The following TBCE variants were observed in gnomAD, a reference collection of about 807,000 sequenced individuals.
TBCE encodes tubulin-specific chaperone E.
In TBCE, 53 loss-of-function variants were observed where a neutral mutation model predicts 77.0. That is an observed-to-expected ratio of 0.69 (90% CI 0.55 to 0.87). TBCE has a LOEUF of 0.87. Ranked by LOEUF, TBCE falls within the 40% of genes least tolerant of loss-of-function variation. The probability of loss-of-function intolerance (pLI) is 0.00; values close to 1 mark genes in which losing one functional copy is unlikely to be tolerated. For missense variants in TBCE, 624 were observed against 622.4 expected, an observed-to-expected ratio of 1.00 and a Z score of -0.03; for synonymous variants, 235 against 241.3, an observed-to-expected ratio of 0.97 and a Z score of 0.24.
chr1:235,427,219 C>A lies in TBCE; in HGVS notation c.540C>A (p.His180Gln), dbSNP rs142804756. 3.1e-6 allele frequency: 5 copies of A among 1,613,200 alleles called. No homozygotes were observed. In the East Asian group the frequency reaches 1.1e-4, roughly 36 times the overall value. ...TACACATTGCTGATCAGCTCAGACA[C>A]CTGGAAGTCCTTAATGTCAGGTATG... Reference protein sequence around the residue: ...EVIHIADQLRHLEVLNVSENK... With the variant: ...EVIHIADQLRQLEVLNVSENK... The change falls in exon 6 of 17, where the codon CAC becomes CAA. Residue 180 changes from histidine to glutamine, a missense_variant. His to Gln is a conservative substitution (Grantham distance 24, BLOSUM62 0). Coordinates refer to ENST00000642610, the MANE Select transcript of TBCE (RefSeq NM_003193.5).
intron 1 of TBCE, among the ~76,000 whole-genome samples, chr1:235,375,420 G>A (rs1005453586): frequency 6.6e-6 from 1 of 152,096 alleles, no homozygotes; most frequent in African/African-American, 2.4e-5. Context: ...GCCCAGTGCA[G>A]GCCATTACAG....
At chr1:235,390,758 C>CAAAA (rs35639285) in intron 2 of TBCE, among the ~76,000 whole-genome samples, 1 of 71,414 alleles carries the variant, frequency 1.4e-5, no homozygotes, top group Non-Finnish European at 3.2e-5. Flanking sequence ...CGAAACGTCT[C>CAAAA]AAAAAAAAAA....
At chr1:235,382,129 A>G (rs1293663121) in intron 2 of TBCE, among the ~76,000 whole-genome samples, 1 of 151,524 alleles carries the variant, frequency 6.6e-6, no homozygotes, top group Non-Finnish European at 1.5e-5. Flanking sequence ...CCATGTCCCT[A>G]TAAAGGACAT....
chr1:235,400,924 G>A (rs1231517908), intron 2 of TBCE, among the ~76,000 whole-genome samples: 1 of 149,176 alleles, frequency 6.7e-6, no homozygotes, highest in African/African-American at 2.5e-5. Context: ...GACCAGTCTC[G>A]AATTCCTGAC....
chr1:235,396,821 T>A (rs993143671), intron 2 of TBCE, among the ~76,000 whole-genome samples: 10 of 152,286 alleles, frequency 6.6e-5, no homozygotes, highest in Non-Finnish European at 1.3e-4. Context: ...CATTTCTTAA[T>A]CGGATTAATA....
At position 235,435,908 on chromosome 1, in the gene TBCE, C is replaced by T. The variant is rs868544072; in HGVS notation, c.833+68C>T. 1.8e-5 allele frequency: 23 copies of T among 1,284,900 alleles called. 1 individual carries two copies. The Middle Eastern group carries it at 4.0e-3, about 225-fold the overall frequency. The allele number at this position is 1,284,900 out of a possible 1,614,324, so 79.6% of individuals were successfully genotyped here. On this transcript the variant is annotated intron_variant, in intron 9 of 16. Coordinates refer to ENST00000642610, the MANE Select transcript of TBCE (RefSeq NM_003193.5). ...TTCTTAGTGAAGCAGTTTTCATATG[C>T]TATGTATGCTTTCTCAATAGAAACG...
At chr1:235,386,185 C>T (rs891179790) in intron 2 of TBCE, among the ~76,000 whole-genome samples, 7 of 152,278 alleles carry the variant, frequency 4.6e-5, no homozygotes, top group South Asian at 4.1e-4. Flanking sequence ...CCAAGAGATC[C>T]GCTGTTAGTC....
At position 235,403,542 on chromosome 1, in the gene TBCE, T is replaced by G. The variant is rs141576610; in HGVS notation, c.185+1955T>G. ...TTTTTATTTGGAACTTACCCCAGCCTACTTCCTTCTTGTAAAAGCTTGCCC... is the reference window on the plus strand; with the variant it reads ...TTTTTATTTGGAACTTACCCCAGCCGACTTCCTTCTTGTAAAAGCTTGCCC... On this transcript the variant is annotated intron_variant, in intron 3 of 16. Coordinates refer to ENST00000642610, the MANE Select transcript of TBCE (RefSeq NM_003193.5). Among the ~76,000 whole-genome samples the G allele has an allele frequency of 2.6e-5, 4 of 152,302 alleles. No individual in the cohort carries two copies. The East Asian group carries it at 7.7e-4, about 29-fold the overall frequency.
intron 5 of TBCE, among the ~76,000 whole-genome samples, chr1:235,424,766 A>G (rs1283884749): frequency 2.0e-5 from 3 of 151,800 alleles, no homozygotes; most frequent in Non-Finnish European, 4.4e-5. Context: ...CGGCCACCCA[A>G]CGTGCTGGGA....
At chr1:235,447,318 T>C (rs528626463) in intron 15 of TBCE, among the ~76,000 whole-genome samples, 1 of 152,364 alleles carries the variant, frequency 6.6e-6, no homozygotes, top group East Asian at 1.9e-4. Context: ...TACACTGTGA[T>C]ATTTGTAGGA....
chr1:235,391,670 G>A (rs1016465879), intron 2 of TBCE, among the ~76,000 whole-genome samples: 1 of 128,492 alleles, frequency 7.8e-6, no homozygotes, highest in South Asian at 2.6e-4. Context: ...GCAGTGGTAC[G>A]ATCTCTGCTC....
intron 2 of TBCE, among the ~76,000 whole-genome samples, chr1:235,390,675 C>A (rs897474651): frequency 6.6e-6 from 1 of 150,602 alleles, no homozygotes; most frequent in Non-Finnish European, 1.5e-5. Context: ...GCAGGAGAAT[C>A]GCTTGAACCT....
At chr1:235,387,458 C>T (rs530692473) in intron 2 of TBCE, among the ~76,000 whole-genome samples, 4 of 152,324 alleles carry the variant, frequency 2.6e-5, no homozygotes, top group South Asian at 2.1e-4. Flanking sequence ...CCACCCAGTT[C>T]GAGCTTCCCG....
At chr1:235,367,764 T>C (rs187563058) in intron 1 of TBCE, among the ~76,000 whole-genome samples, 1 of 152,320 alleles carries the variant, frequency 6.6e-6, no homozygotes, top group East Asian at 1.9e-4. Flanking sequence ...CATGTCACTT[T>C]GGAAGAGGTG....
At chr1:235,431,987 T>A (rs964827689) in intron 7 of TBCE, among the ~76,000 whole-genome samples, 1 of 143,904 alleles carries the variant, frequency 6.9e-6, no homozygotes, top group African/African-American at 2.6e-5. Flanking sequence ...TCATTTTTAT[T>A]TATTTATTTT....
At position 235,448,738 on chromosome 1, in the gene TBCE, A is replaced by G; in HGVS notation, c.1560A>G (p.Gly520=). The G allele has an allele frequency of 1.2e-6, 2 of 1,613,844 alleles. No homozygotes were observed. Among genetic ancestry groups the G allele is most frequent in the South Asian group, 1.1e-5 (1 of 91,070 alleles). Residue 520 remains glycine, a synonymous_variant, in exon 17 of 17, where the codon GGA becomes GGG. Transcript: ENST00000642610. ...TACAGTTTTATTCTGTGGAAAATGG[A>G]GATTGTCTATTAGTGCGATGGTGAC... ...KSLQFYSVEN[G]DCLLVRW
chr1:235,447,941 G>GT (rs1440155059), intron 15 of TBCE, among the ~76,000 whole-genome samples: 2 of 152,156 alleles, frequency 1.3e-5, no homozygotes, highest in South Asian at 2.1e-4. Flanking sequence ...GCCAGGCGCT[G>GT]GGCTCATGCT....
In TBCE at chr1:235,448,831, C is replaced by T. The variant is rs973535871; in HGVS notation, c.*69C>T. On this transcript the variant is annotated 3_prime_UTR_variant, in exon 17 of 17. Coordinates refer to ENST00000642610, the MANE Select transcript of TBCE (RefSeq NM_003193.5). The stretch of plus-strand genomic sequence containing the variant: ...TGGGGTTCACCGGAAATAAATGATT[C>T]ACTGGAACAATTCTACTGTCAAAAC... 74 of 1,133,704 alleles carry T rather than the reference C, an allele frequency of 6.5e-5. No homozygotes were observed. The highest frequency in any genetic ancestry group is 5.7e-4 in the Middle Eastern group (3 of 5,226). The allele number at this position is 1,133,704 out of a possible 1,614,324, so 70.2% of individuals were successfully genotyped here.
chr1:235,389,096 A>G (rs757826315), intron 2 of TBCE, among the ~76,000 whole-genome samples: 2 of 152,256 alleles, frequency 1.3e-5, no homozygotes, highest in Non-Finnish European at 2.9e-5. Context: ...CTATTGGGAG[A>G]TAAGTCCCAA....
Sources: gnomAD v4.1 joint callset for allele counts (sites outside exome capture counted in the v4.1 genomes callset) on GRCh38, gnomAD v4.1.1 for gene constraint, MANE v1.5 for transcripts, NCBI Gene and HGNC (gene_info 2026-07-23, HGNC 2026-07-21) for gene names.